TP53BP1: variants seen among roughly 807,000 people sequenced by gnomAD.
TP53BP1 encodes the protein tumor protein p53 binding protein 1, also known as TP53-binding protein 1.
TP53BP1 carries 61 observed loss-of-function variants against 200.8 expected under a neutral mutation model. That is an observed-to-expected ratio of 0.30 (90% CI 0.25 to 0.38). The LOEUF (loss-of-function observed/expected upper bound fraction) is 0.38, where lower values mean the gene tolerates loss of function less well. Ranked by LOEUF, TP53BP1 falls within the 10% of genes least tolerant of loss-of-function variation. The pLI, the probability that TP53BP1 is intolerant of heterozygous loss-of-function variation, is 1.00. For synonymous variants in TP53BP1, 822 were observed against 844.3 expected (o/e 0.97, Z 0.46); for missense variants, 2,144 against 2,371.9 (o/e 0.90, Z 2.00).
At chr15:43,491,851 T>A in intron 3 of TP53BP1, 98 bp from the exon 4 acceptor site, 1 of 1,138,472 alleles carries the variant, frequency 8.8e-7, no homozygotes, top group African/African-American at 1.5e-5. Context: ...TCAGTGACAC[T>A]AGCACATCAA....
At chr15:43,454,671 A>G (rs914581460) in intron 12 of TP53BP1, among the ~76,000 whole-genome samples, 2 of 150,542 alleles carry the variant, frequency 1.3e-5, no homozygotes, top group Non-Finnish European at 3.0e-5. Flanking sequence ...CCTACATTAT[A>G]CTAACTCTAA....
At chr15:43,505,639 G>C (rs2079231991) in intron 1 of TP53BP1, among the ~76,000 whole-genome samples, 1 of 152,176 alleles carries the variant, frequency 6.6e-6, no homozygotes, top group South Asian at 2.1e-4. Flanking sequence ...TACTTAATGT[G>C]AACAAATAAT....
intron 11 of TP53BP1, among the ~76,000 whole-genome samples, chr15:43,458,322 C>T (rs987064440): frequency 6.6e-6 from 1 of 151,982 alleles, no homozygotes; most frequent in African/African-American, 2.4e-5. Context: ...GTCCCAGCTA[C>T]TCACAAGGCT....
rs752341332 is a variant in TP53BP1 at position 43,408,103 on chromosome 15, G to C, written c.5601-15C>G. The C allele has an allele frequency of 6.2e-7, 1 of 1,612,514 alleles. No individual in the cohort carries two copies. The highest frequency in any genetic ancestry group is 8.5e-7 in the Non-Finnish European group (1 of 1,179,270). On this transcript the variant is annotated splice_polypyrimidine_tract_variant and intron_variant, in intron 26 of 27. Coordinates refer to ENST00000382044, the MANE Select transcript of TP53BP1 (RefSeq NM_001141980.3). ...CACGGGGTTGCCTATGAAGGAGACA[G>C]GAAAGGACCTTAGCATGACAAGTAA...
intron 12 of TP53BP1, among the ~76,000 whole-genome samples, chr15:43,455,017 A>AC (rs1209798581): frequency 6.6e-6 from 1 of 152,238 alleles, no homozygotes; most frequent in Non-Finnish European, 1.5e-5. Flanking sequence ...GGCGTGAGCC[A>AC]CTGCACCCAG....
At chr15:43,455,784 T>C (rs1023624518) in intron 12 of TP53BP1, 108 bp downstream of exon 12, 1 of 1,326,242 alleles carries the variant, frequency 7.5e-7, no homozygotes, top group Non-Finnish European at 1.0e-6. Flanking sequence ...TTCATAAACA[T>C]AAACCAAAGA....
chr15:43,488,532 T>C (rs1244143573), intron 4 of TP53BP1, among the ~76,000 whole-genome samples: 2 of 152,090 alleles, frequency 1.3e-5, no homozygotes, highest in African/African-American at 2.4e-5. Context: ...GATAAAACTA[T>C]GTAAAACTTA....
At chr15:43,506,234 A>C (rs1253221191) in intron 1 of TP53BP1, among the ~76,000 whole-genome samples, 1 of 152,198 alleles carries the variant, frequency 6.6e-6, no homozygotes, top group Non-Finnish European at 1.5e-5. Flanking sequence ...TAAAGCTCTG[A>C]TTTTTCATGG....
At chr15:43,421,280 G>C in intron 19 of TP53BP1, 106 bp from the exon 20 acceptor site, 2 of 1,208,374 alleles carry the variant, frequency 1.7e-6, no homozygotes, top group Non-Finnish European at 2.3e-6. Context: ...CATGTGCTGA[G>C]CCTTTGGGGC....
At position 43,409,745 on chromosome 15, in the gene TP53BP1, T is replaced by C. The variant is rs765024907; in HGVS notation, c.5306-4A>G. On this transcript the variant is annotated splice_polypyrimidine_tract_variant and splice_region_variant and intron_variant, in intron 24 of 27. Coordinates refer to ENST00000382044, the MANE Select transcript of TP53BP1 (RefSeq NM_001141980.3). Reference sequence around the variant, plus strand: ...AAAGGAGGAATTTCCAAAAATTCTATATTAAAAAAAAAAACCAAGATAATA... The same window carrying C: ...AAAGGAGGAATTTCCAAAAATTCTACATTAAAAAAAAAAACCAAGATAATA... 5.5e-6 allele frequency: 8 copies of C among 1,458,130 alleles called. No individual in the cohort carries two copies. The highest frequency in any genetic ancestry group is 2.2e-5 in the Admixed American group (1 of 44,902). The allele number at this position is 1,458,130 out of a possible 1,614,324, so 90.3% of individuals were successfully genotyped here.
chr15:43,452,359 A>G (rs1339232626), intron 12 of TP53BP1, among the ~76,000 whole-genome samples: 1 of 152,028 alleles, frequency 6.6e-6, no homozygotes, highest in African/African-American at 2.4e-5. Flanking sequence ...TGAATCCAAG[A>G]GTTCGAGATC....
chr15:43,419,536 C>CTTT (rs34159488), intron 21 of TP53BP1, among the ~76,000 whole-genome samples: 8 of 73,426 alleles, frequency 1.1e-4, no homozygotes, highest in East Asian at 4.1e-4. Flanking sequence ...ATTTATGTTC[C>CTTT]TTTTTTTTTT....
At position 43,415,732 on chromosome 15, in the gene TP53BP1, T is replaced by C; in HGVS notation, c.4951A>G (p.Ser1651Gly). Reference sequence around the variant, plus strand: ...GTGATCTTTCGGGTAGGGGTTGTGCTGCTGCTACTGGAGGCAGTAGGGGTG... The same window carrying C: ...GTGATCTTTCGGGTAGGGGTTGTGCCGCTGCTACTGGAGGCAGTAGGGGTG... Reference protein sequence around the residue: ...PATPTASSSSSTTPTRKITES... With the variant: ...PATPTASSSSGTTPTRKITES... The change falls in exon 23 of 28, where the codon AGC becomes GGC. Residue 1651 changes from serine (S) to glycine (G), a missense_variant. Transcript: ENST00000382044. The C allele has an allele frequency of 6.2e-7, 1 of 1,614,180 alleles. No homozygotes were observed. The highest frequency in any genetic ancestry group is 8.5e-7 in the Non-Finnish European group (1 of 1,180,026).
chr15:43,408,948 T>C lies in TP53BP1; in HGVS notation c.5549A>G (p.Asn1850Ser). The C allele has an allele frequency of 6.2e-7, 1 of 1,614,216 alleles. No individual in the cohort carries two copies. The highest frequency in any genetic ancestry group is 8.5e-7 in the Non-Finnish European group (1 of 1,180,044). The change falls in exon 26 of 28, where the codon AAT (asparagine) becomes AGT (serine). Residue 1850 changes from asparagine to serine, a missense_variant. Physicochemically the swap from Asn to Ser is conservative, Grantham distance 46 (BLOSUM62 1). Coordinates refer to ENST00000382044, the MANE Select transcript of TP53BP1 (RefSeq NM_001141980.3). ...GCTGTACCCAGCTGGCAACAGATAA[T>C]TACGGTAGTTCTGGAGCTGGTTGGC... ...CHANQLQNYR[N>S]YLLPAGYSLE...
Position 43,413,312 on chromosome 15 carries a change from A to G in TP53BP1, c.5112T>C (p.Phe1704=). 1 of 1,614,094 alleles carries G rather than the reference A, an allele frequency of 6.2e-7. No homozygotes were observed. The highest frequency in any genetic ancestry group is 8.5e-7 in the Non-Finnish European group (1 of 1,180,004). The part of the protein sequence containing the change: ...VKPGAVGAGE[F]VSPCESGDNT... The stretch of plus-strand genomic sequence containing the variant: ...TGTCTCCACTCTCACAGGGGCTCAC[A>G]AACTCTCCTGCCCCTACTGCACCTG... The change falls in exon 24 of 28, where the codon TTT becomes TTC. Residue 1704 remains phenylalanine (F), a synonymous_variant. Transcript: ENST00000382044.
chr15:43,437,721 T>C (rs765788481), intron 16 of TP53BP1, among the ~76,000 whole-genome samples: 1 of 152,222 alleles, frequency 6.6e-6, no homozygotes, highest in Non-Finnish European at 1.5e-5. Context: ...AAATTTCTCA[T>C]GACAGCTCAT....
chr15:43,466,881 C>T (rs564508714), intron 11 of TP53BP1, among the ~76,000 whole-genome samples: 9 of 152,036 alleles, frequency 5.9e-5, no homozygotes, highest in East Asian at 5.8e-4. Flanking sequence ...TATAATCATG[C>T]TATGTAGAAT....
Position 43,474,701 on chromosome 15 carries a change from G to C in TP53BP1, c.1152C>G (p.Ser384Arg). ...AFRSTPFIVP[S>R]SPTEQEGRQD... Reference sequence around the variant, plus strand: ...GTCTCCCTTCTTGCTCTGTGGGACTGCTAGGAACGATAAAAGGAGTAGATC... The same window carrying C: ...GTCTCCCTTCTTGCTCTGTGGGACTCCTAGGAACGATAAAAGGAGTAGATC... Residue 384 changes from serine (S) to arginine (R), a missense_variant, in exon 10 of 28, where the codon AGC (serine) becomes AGG (arginine). By Grantham distance (110) the Ser-to-Arg change is moderately radical. Transcript: ENST00000382044. 1 of 1,613,154 alleles carries C rather than the reference G, an allele frequency of 6.2e-7. No homozygotes were observed.
chr15:43,487,378 TACGGCC>T (rs1359685079), intron 4 of TP53BP1, among the ~76,000 whole-genome samples: 2 of 152,116 alleles, frequency 1.3e-5, no homozygotes, highest in South Asian at 4.1e-4. Context: ...TATAAAACAG[TACGGCC>T]ACTCTAGAAA....
Sources: allele counts gnomAD v4.1 joint callset (sites outside exome capture counted in the v4.1 genomes callset), GRCh38; gene constraint gnomAD v4.1.1; transcripts MANE v1.5; gene names NCBI Gene and HGNC (gene_info 2026-07-23, HGNC 2026-07-21).